CABIN1: variants seen among roughly 807,000 people sequenced by gnomAD.
The protein encoded by CABIN1 is calcineurin-binding protein cabin-1.
In CABIN1, 133 loss-of-function variants were observed where a neutral mutation model predicts 227.7. That is an observed-to-expected ratio of 0.58 (90% CI 0.51 to 0.67). The LOEUF (loss-of-function observed/expected upper bound fraction) is 0.67, where lower values mean the gene tolerates loss of function less well. Among genes scored for constraint, CABIN1 ranks in the 30% least tolerant of loss-of-function variants. CABIN1 has a pLI of 0.00. For synonymous variants in CABIN1, 1,086 were observed against 1,155.1 expected, an observed-to-expected ratio of 0.94 and a Z score of 1.21; for missense variants, 2,408 against 2,852.5, an observed-to-expected ratio of 0.84 and a Z score of 3.55.
chr22:24,171,987 TG>T lies in CABIN1; in HGVS notation c.6035del (p.Gly2012AlafsTer27). On this transcript the variant is annotated frameshift_variant, in exon 34 of 37. Transcript: ENST00000263119. LOFTEE classifies it high-confidence loss of function. The stretch of plus-strand genomic sequence containing the variant: ...GAAGCTACCCCCAGCATGGCCTCTC[TG>T]GGCCCAGGTGAGTCCCATCCCAGTC... ...RPEATPSMAS[L>X]GPEGEELARV... 2 of 1,610,634 alleles carry T rather than the reference TG, an allele frequency of 1.2e-6. No homozygotes were observed. The highest frequency in any genetic ancestry group is 1.7e-6 in the Non-Finnish European group (2 of 1,179,734).
At chr22:24,098,881 A>G (rs748992536) in intron 26 of CABIN1, among the ~76,000 whole-genome samples, 5 of 152,318 alleles carry the variant, frequency 3.3e-5, no homozygotes, top group Non-Finnish European at 4.4e-5. Flanking sequence ...GAGGACCACT[A>G]AAGTGGAGTC....
intron 24 of CABIN1, among the ~76,000 whole-genome samples, chr22:24,095,454 G>A (rs971157458): frequency 7.4e-6 from 1 of 135,412 alleles, no homozygotes; most frequent in South Asian, 2.7e-4. Context: ...CGGGGAAGAC[G>A]TTTTCGAGGC....
At chr22:24,088,691 C>A (rs1163238338) in intron 23 of CABIN1, among the ~76,000 whole-genome samples, 1 of 152,118 alleles carries the variant, frequency 6.6e-6, no homozygotes, top group East Asian at 1.9e-4. Context: ...GGGCAAAGCT[C>A]AAATCCCTCT....
At chr22:24,054,740 C>T (rs1282835430) in intron 8 of CABIN1, 133 bp from the exon 9 acceptor site, 30 of 1,107,950 alleles carry the variant, frequency 2.7e-5, no homozygotes, top group Non-Finnish European at 4.0e-5. Flanking sequence ...CCTTGATCAC[C>T]TCCCCCACCC....
chr22:24,157,974 A>G (rs1446447104), intron 29 of CABIN1, among the ~76,000 whole-genome samples: 1 of 152,084 alleles, frequency 6.6e-6, no homozygotes, highest in African/African-American at 2.4e-5. Flanking sequence ...GTCTGCTCCT[A>G]CACCCTGTGC....
intron 6 of CABIN1, among the ~76,000 whole-genome samples, chr22:24,047,836 A>T (rs1025390153): frequency 4.6e-5 from 7 of 152,214 alleles, no homozygotes; most frequent in Non-Finnish European, 7.3e-5. Flanking sequence ...CCTGCACCAA[A>T]CTGAGAAGCT....
intron 26 of CABIN1, among the ~76,000 whole-genome samples, chr22:24,108,474 G>T (rs1320197574): frequency 1.3e-5 from 2 of 152,240 alleles, no homozygotes; most frequent in Admixed American, 1.3e-4. Flanking sequence ...AGTCAGGGAA[G>T]AGCCTTTCAC....
chr22:24,083,071 C>G (rs112705203), intron 19 of CABIN1, among the ~76,000 whole-genome samples, 157 bp from the exon 20 acceptor site: 1 of 152,162 alleles, frequency 6.6e-6, no homozygotes, highest in African/African-American at 2.4e-5. Context: ...TTCCAGGAAA[C>G]AGGTGTTTTT....
At chr22:24,098,295 G>T in intron 26 of CABIN1, 103 bp downstream of exon 26, 1 of 1,539,944 alleles carries the variant, frequency 6.5e-7, no homozygotes, top group Non-Finnish European at 8.9e-7. Context: ...GAGGGGGGGT[G>T]CTGGGTCTGG....
At chr22:24,173,608 G>A (rs888759206) in intron 34 of CABIN1, among the ~76,000 whole-genome samples, 1 of 152,190 alleles carries the variant, frequency 6.6e-6, no homozygotes, top group African/African-American at 2.4e-5. Flanking sequence ...GGCCGAGGTG[G>A]GCGGATCACG....
chr22:24,139,171 C>A (rs760100177), intron 29 of CABIN1, among the ~76,000 whole-genome samples: 10 of 152,164 alleles, frequency 6.6e-5, no homozygotes, highest in Non-Finnish European at 1.3e-4. Flanking sequence ...CTTTGTTTGC[C>A]CATCGCCAGG....
rs575132239 is a variant in CABIN1 at position 24,063,371 on chromosome 22, A to C, written c.1884+225A>C. Reference sequence around the variant, plus strand: ...ACTTCCAAGCATGATACCAATCTGTAAAGCTCTTTAGCATAACCACAGAGC... The same window carrying C: ...ACTTCCAAGCATGATACCAATCTGTCAAGCTCTTTAGCATAACCACAGAGC... On this transcript the variant is annotated intron_variant, in intron 14 of 36. Coordinates refer to ENST00000263119, the MANE Select transcript of CABIN1 (RefSeq NM_012295.4). 2.2e-4 allele frequency among the ~76,000 whole-genome samples: 33 copies of C among 152,324 alleles called. No homozygotes were observed. The South Asian group carries it at 6.2e-3, about 29-fold the overall frequency.
chr22:24,097,191 T>A (rs993913461), intron 25 of CABIN1, among the ~76,000 whole-genome samples: 4 of 152,380 alleles, frequency 2.6e-5, no homozygotes, highest in Non-Finnish European at 5.9e-5. Flanking sequence ...AAATTTTTTT[T>A]AATTATACAA....
chr22:24,034,727 T>C (rs540757611), intron 1 of CABIN1, among the ~76,000 whole-genome samples: 16 of 152,238 alleles, frequency 1.1e-4, no homozygotes, highest in Non-Finnish European at 2.1e-4. Context: ...CCAGCAACAA[T>C]GCATGAGATT....
At chr22:24,069,729 A>T (rs1159529033) in intron 16 of CABIN1, among the ~76,000 whole-genome samples, 1 of 151,808 alleles carries the variant, frequency 6.6e-6, no homozygotes, top group African/African-American at 2.4e-5. Context: ...CACGGGCCCC[A>T]TTTTCCTGGC....
intron 1 of CABIN1, among the ~76,000 whole-genome samples, chr22:24,021,177 A>AT (rs1365041495): frequency 3.3e-5 from 5 of 150,906 alleles, no homozygotes; most frequent in East Asian, 1.9e-4. Context: ...TTTTTATTTT[A>AT]TTTATTTATT....
chr22:24,035,472 C>T lies in CABIN1; in HGVS notation c.-46C>T. On this transcript the variant is annotated 5_prime_UTR_variant, in exon 2 of 37. Transcript: ENST00000263119. ...AGTTGTGGACTGGGGCAACCTTTGC[C>T]AGTGATGAGAAGTGATGCTCGTGGC... The T allele has an allele frequency of 6.2e-7, 1 of 1,613,846 alleles. No individual in the cohort carries two copies. Among genetic ancestry groups the T allele is most frequent in the Non-Finnish European group, 8.5e-7 (1 of 1,179,784 alleles).
rs1172242874 is a variant in CABIN1, at chr22:24,178,226, C to T, written c.*30C>T. 1 of 1,611,954 alleles carries T rather than the reference C, an allele frequency of 6.2e-7. No homozygotes were observed. The highest frequency in any genetic ancestry group is 8.5e-7 in the Non-Finnish European group (1 of 1,179,678). On this transcript the variant is annotated 3_prime_UTR_variant, in exon 37 of 37. Transcript: ENST00000263119. The stretch of plus-strand genomic sequence containing the variant: ...CCACTGCAGCCCCACCGCCACGCCC[C>T]AGGGGACCAGCCAGGCCTGGAATGC...
At chr22:24,031,803 A>G (rs17004818) in intron 1 of CABIN1, among the ~76,000 whole-genome samples, 3,891 of 152,278 alleles carry the variant, frequency 0.026, 156 homozygotes, top group African/African-American at 0.088. Flanking sequence ...ACTGGGAGTC[A>G]TCAGGGTGTG....
Sources: gnomAD v4.1 joint callset for allele counts (sites outside exome capture counted in the v4.1 genomes callset) on GRCh38, gnomAD v4.1.1 for gene constraint, MANE v1.5 for transcripts, NCBI Gene and HGNC (gene_info 2026-07-23, HGNC 2026-07-21) for gene names.